Variants in KATNIP observed in about 807,000 individuals in gnomAD.
The protein encoded by KATNIP is katanin-interacting protein.
KATNIP carries 126 observed loss-of-function variants against 174.0 expected under a neutral mutation model. The observed-to-expected ratio is 0.72, with a 90% CI of 0.63 to 0.84. The LOEUF (loss-of-function observed/expected upper bound fraction) is 0.84. Among genes scored for constraint, KATNIP ranks in the 40% least tolerant of loss-of-function variants. The pLI is 0.00. For missense variants in KATNIP, 1,958 were observed against 2,109.7 expected, an observed-to-expected ratio of 0.93 and a Z score of 1.41; for synonymous variants, 810 against 835.7, an observed-to-expected ratio of 0.97 and a Z score of 0.53.
chr16:27,642,769 A>ATTTTT (rs143123046), intron 5 of KATNIP, among the ~76,000 whole-genome samples: 1 of 125,588 alleles, frequency 8.0e-6, no homozygotes, highest in Non-Finnish European at 1.7e-5. Context: ...TTTTTAAAAA[A>ATTTTT]TTTTTTTTTT....
At chr16:27,625,692 A>G (rs915926539) in intron 3 of KATNIP, among the ~76,000 whole-genome samples, 2 of 152,202 alleles carry the variant, frequency 1.3e-5, no homozygotes, top group Admixed American at 6.5e-5. Context: ...TAAAAAATAA[A>G]CAAAGAAATC....
chr16:27,601,642 A>C (rs1299591936), intron 2 of KATNIP, among the ~76,000 whole-genome samples: 1 of 152,182 alleles, frequency 6.6e-6, no homozygotes, highest in African/African-American at 2.4e-5. Context: ...AAGAGCCAGA[A>C]GGACCATGTG....
intron 10 of KATNIP, 48 bp downstream of exon 10, chr16:27,699,647 G>T (rs1342859356): frequency 1.2e-6 from 2 of 1,612,282 alleles, no homozygotes; most frequent in Non-Finnish European, 1.7e-6. Context: ...CATGTGCGTA[G>T]CTCCCGATGG....
chr16:27,712,053 C>T (rs1027011421), intron 13 of KATNIP, among the ~76,000 whole-genome samples: 2 of 152,232 alleles, frequency 1.3e-5, no homozygotes, highest in African/African-American at 4.8e-5. Flanking sequence ...ACAGAGCACA[C>T]TAGAGACAAT....
intron 13 of KATNIP, among the ~76,000 whole-genome samples, chr16:27,712,521 C>T (rs968465454): frequency 1.3e-5 from 2 of 152,128 alleles, no homozygotes; most frequent in African/African-American, 2.4e-5. Context: ...AGAGCTCACC[C>T]GACAGCTGAG....
At chr16:27,677,113 CAAAAG>C (rs2078147199) in intron 6 of KATNIP, among the ~76,000 whole-genome samples, 1 of 152,022 alleles carries the variant, frequency 6.6e-6, no homozygotes, top group African/African-American at 2.4e-5. Flanking sequence ...TTCATGTAGA[CAAAAG>C]AAACATGAAA....
At chr16:27,560,289 A>G (rs1301491197) in intron 1 of KATNIP, among the ~76,000 whole-genome samples, 1 of 149,762 alleles carries the variant, frequency 6.7e-6, no homozygotes, top group Non-Finnish European at 1.5e-5. Context: ...CTCAGAAAAA[A>G]AAAAAAAAAA....
At chr16:27,656,934 TAA>T (rs577750573) in intron 6 of KATNIP, among the ~76,000 whole-genome samples, 3 of 125,018 alleles carry the variant, frequency 2.4e-5, no homozygotes, top group African/African-American at 5.9e-5. Flanking sequence ...ACTTAAAGTA[TAA>T]AAAAAAAAAA....
chr16:27,594,505 T>C (rs1420905076), intron 2 of KATNIP, among the ~76,000 whole-genome samples: 1 of 152,038 alleles, frequency 6.6e-6, no homozygotes, highest in Non-Finnish European at 1.5e-5. Context: ...TTTGGTGACT[T>C]GAAAGTCACC....
chr16:27,710,305 C>T (rs1383798890), intron 13 of KATNIP, among the ~76,000 whole-genome samples: 1 of 152,128 alleles, frequency 6.6e-6, no homozygotes, highest in Non-Finnish European at 1.5e-5. Flanking sequence ...TGCAGTGAGC[C>T]AAGATCGTGC....
At chr16:27,676,370 T>G (rs1337265501) in intron 6 of KATNIP, among the ~76,000 whole-genome samples, 1 of 152,236 alleles carries the variant, frequency 6.6e-6, no homozygotes, top group African/African-American at 2.4e-5. Flanking sequence ...AACATCTATA[T>G]TTCTATCATC....
chr16:27,769,731 T>A, intron 20 of KATNIP, 130 bp from the exon 21 acceptor site: 1 of 1,074,264 alleles, frequency 9.3e-7, no homozygotes. Flanking sequence ...GAAATGGACC[T>A]CGGTCAGGTG....
chr16:27,726,023 C>T (rs1044410245), intron 14 of KATNIP, among the ~76,000 whole-genome samples: 2 of 152,166 alleles, frequency 1.3e-5, no homozygotes, highest in Non-Finnish European at 2.9e-5. Context: ...AGTCTGTGGC[C>T]TGTTAGGAAC....
intron 2 of KATNIP, among the ~76,000 whole-genome samples, chr16:27,612,406 T>A (rs2075916133): frequency 6.6e-6 from 1 of 152,122 alleles, no homozygotes; most frequent in Non-Finnish European, 1.5e-5. Flanking sequence ...AGTTGGCTAG[T>A]CTAGGGCCTT....
intron 2 of KATNIP, among the ~76,000 whole-genome samples, chr16:27,584,665 C>T (rs1179818718): frequency 6.6e-6 from 1 of 151,998 alleles, no homozygotes; most frequent in Admixed American, 6.6e-5. Flanking sequence ...TTGGTGGGTG[C>T]CTGTAATCCC....
In KATNIP at chr16:27,660,121, G is replaced by C. The variant is rs1054938607; in HGVS notation, c.540+11386G>C. ...TTTCCATAAACATTCTGGGGCCTTG[G>C]CTAAGTCATACTCCTCTGGGGCCCC... is the stretch of plus-strand genomic sequence containing the variant. On this transcript the variant is annotated intron_variant, in intron 6 of 27. Transcript: ENST00000261588. 11 of 518,748 alleles carry C rather than the reference G, an allele frequency of 2.1e-5. No individual in the cohort carries two copies. In the African/African-American group the frequency reaches 2.3e-4, roughly 11 times the overall value. The allele number at this position is 518,748 out of a possible 1,614,324, so 32.1% of individuals were successfully genotyped here.
Position 27,778,650 on chromosome 16 carries a change from G to C in KATNIP, c.*21G>C, listed in dbSNP as rs2082592938. The C allele has an allele frequency of 6.2e-7, 1 of 1,611,040 alleles. No individual in the cohort carries two copies. The highest frequency in any genetic ancestry group is 8.5e-7 in the Non-Finnish European group (1 of 1,177,828). On this transcript the variant is annotated 3_prime_UTR_variant, in exon 28 of 28. Coordinates refer to ENST00000261588, the MANE Select transcript of KATNIP (RefSeq NM_015202.5). ...GCTGACTGGTGAAGGAGGGAGAGCT[G>C]GTCCTCCCACTATGGTGGGCTCCGT...
rs909831488 is a variant in KATNIP at position 27,776,626 on chromosome 16, C to T, written c.4450-302C>T. ...TATTTCTGGGCCTGACCTGAGGGGA[C>T]GTGGGGGAGGGCCGAGGATGTTCCC... On this transcript the variant is annotated intron_variant, in intron 24 of 27. Coordinates refer to ENST00000261588, the MANE Select transcript of KATNIP (RefSeq NM_015202.5). This position sits in a 1 kb window ranked among gnomAD's most constrained non-coding sequence, Gnocchi z 4.7. 3.9e-5 allele frequency among the ~76,000 whole-genome samples: 6 copies of T among 152,078 alleles called. No homozygotes were observed. The highest frequency in any genetic ancestry group is 4.2e-4 in the South Asian group (2 of 4,816).
chr16:27,626,716 G>A (rs2142125496), intron 3 of KATNIP, among the ~76,000 whole-genome samples: 1 of 152,260 alleles, frequency 6.6e-6, no homozygotes, highest in Non-Finnish European at 1.5e-5. Flanking sequence ...CACTCTGGGA[G>A]GCCGAAGTGG....
Sources: allele counts gnomAD v4.1 joint callset (sites outside exome capture counted in the v4.1 genomes callset), GRCh38; gene constraint gnomAD v4.1.1; non-coding constraint Gnocchi (gnomAD v3.1); transcripts MANE v1.5; gene names NCBI Gene and HGNC (gene_info 2026-07-23, HGNC 2026-07-21).